Variants in RMDN2 observed in about 807,000 individuals in gnomAD.
The protein encoded by RMDN2 is regulator of microtubule dynamics protein 2.
A neutral mutation model predicts 52.8 loss-of-function variants in RMDN2; 61 were observed. The observed-to-expected ratio is 1.16, with a 90% confidence interval of 0.94 to 1.43. RMDN2 has a LOEUF of 1.43. Ranked by LOEUF, RMDN2 falls within the 40% of genes most tolerant of loss-of-function variation. The pLI is 0.00. For synonymous variants in RMDN2, 180 were observed against 153.1 expected (o/e 1.18, Z -1.30); for missense variants, 592 against 475.3 (o/e 1.25, Z -2.28).
At chr2:37,950,680 C>A in intron 2 of RMDN2, 1 of 1,305,412 alleles carries the variant, frequency 7.7e-7, no homozygotes, top group South Asian at 1.2e-5. Context: ...TCCTTTGTTT[C>A]CCATAATAAC....
intron 4 of RMDN2, among the ~76,000 whole-genome samples, chr2:37,979,677 G>T (rs1432503071): frequency 1.3e-5 from 2 of 152,104 alleles, no homozygotes; most frequent in African/African-American, 2.4e-5. Context: ...ACAAAATACA[G>T]TTCTCTAAAG....
At chr2:37,953,308 T>C (rs1320778927) in intron 2 of RMDN2, among the ~76,000 whole-genome samples, 3 of 151,984 alleles carry the variant, frequency 2.0e-5, no homozygotes, top group Non-Finnish European at 4.4e-5. Context: ...CTTTTCATCT[T>C]GCAAAACTGA....
chr2:37,975,483 C>A (rs1200448264), intron 4 of RMDN2, among the ~76,000 whole-genome samples, 169 bp downstream of exon 4: 1 of 152,124 alleles, frequency 6.6e-6, no homozygotes, highest in East Asian at 1.9e-4. Flanking sequence ...TGCATGTTCT[C>A]ACTCATAAGT....
intron 8 of RMDN2, among the ~76,000 whole-genome samples, chr2:38,001,777 A>T (rs947453962): frequency 4.6e-5 from 7 of 152,186 alleles, no homozygotes; most frequent in African/African-American, 1.7e-4. Flanking sequence ...AAACTAGAAG[A>T]CTTGAAATGG....
chr2:37,967,122 A>G (rs1250944979), intron 2 of RMDN2, among the ~76,000 whole-genome samples: 1 of 152,214 alleles, frequency 6.6e-6, no homozygotes, highest in Non-Finnish European at 1.5e-5. Context: ...CTTCCACATC[A>G]ATTTGCAAGA....
intron 10 of RMDN2, among the ~76,000 whole-genome samples, chr2:38,065,165 T>A (rs1165422624): frequency 6.6e-6 from 1 of 152,144 alleles, no homozygotes; most frequent in African/African-American, 2.4e-5. Flanking sequence ...GCAGCAGCTA[T>A]AAGCTATGGA....
intron 4 of RMDN2, among the ~76,000 whole-genome samples, chr2:37,978,428 A>T (rs1036486086): frequency 2.0e-4 from 31 of 152,152 alleles, no homozygotes; most frequent in African/African-American, 7.5e-4. Flanking sequence ...AGCAAAATAG[A>T]CATGTTTTCA....
At chr2:37,970,056 C>A (rs1671590423) in intron 2 of RMDN2, among the ~76,000 whole-genome samples, 1 of 152,140 alleles carries the variant, frequency 6.6e-6, no homozygotes, top group Non-Finnish European at 1.5e-5. Context: ...CCTCACCCTC[C>A]TGAGTAGTTG....
chr2:38,003,209 T>C (rs1676545552), intron 8 of RMDN2, among the ~76,000 whole-genome samples: 1 of 152,168 alleles, frequency 6.6e-6, no homozygotes, highest in African/African-American at 2.4e-5. Flanking sequence ...ATTAATCTAG[T>C]GGAAGATGCT....
intron 10 of RMDN2, among the ~76,000 whole-genome samples, chr2:38,016,019 A>G (rs1184019740): frequency 6.6e-6 from 1 of 152,244 alleles, no homozygotes; most frequent in Non-Finnish European, 1.5e-5. Context: ...TATAGCCAAT[A>G]TATTAAGTGC....
At chr2:37,960,331 T>C (rs1228783875) in intron 2 of RMDN2, among the ~76,000 whole-genome samples, 4 of 122,242 alleles carry the variant, frequency 3.3e-5, no homozygotes, top group African/African-American at 1.5e-4. Flanking sequence ...TGCTCCTGTA[T>C]TGGGTGTATA....
At chr2:38,013,751 A>T (rs944624124) in intron 10 of RMDN2, among the ~76,000 whole-genome samples, 7 of 152,352 alleles carry the variant, frequency 4.6e-5, no homozygotes, top group African/African-American at 1.7e-4. Flanking sequence ...GAAATGCTAC[A>T]GCTCAGGGTA....
chr2:37,973,179 T>G (rs1254938279), intron 2 of RMDN2, among the ~76,000 whole-genome samples: 1 of 152,240 alleles, frequency 6.6e-6, no homozygotes, highest in Non-Finnish European at 1.5e-5. Context: ...TATATATCCT[T>G]GTATACCTCC....
chr2:38,023,009 G>A (rs1679509989), intron 10 of RMDN2, among the ~76,000 whole-genome samples: 1 of 152,210 alleles, frequency 6.6e-6, no homozygotes, highest in South Asian at 2.1e-4. Context: ...GGAGTCCAGT[G>A]TGTCTGATGT....
chr2:37,967,063 C>G (rs1372371283), intron 2 of RMDN2, among the ~76,000 whole-genome samples: 1 of 151,932 alleles, frequency 6.6e-6, no homozygotes, highest in African/African-American at 2.4e-5. Context: ...ATGGAGAGCT[C>G]ATTTTAAGAA....
chr2:38,016,895 T>G (rs1251217120), intron 10 of RMDN2, among the ~76,000 whole-genome samples: 1 of 151,794 alleles, frequency 6.6e-6, no homozygotes, highest in African/African-American at 2.4e-5. Flanking sequence ...TGATAAACCC[T>G]TTACTCATAG....
chr2:37,949,611 T>C (rs1668537358), intron 2 of RMDN2, among the ~76,000 whole-genome samples: 1 of 152,164 alleles, frequency 6.6e-6, no homozygotes, highest in South Asian at 2.1e-4. Context: ...AAATTACAAA[T>C]CCGACCATTG....
At chr2:38,034,392 C>T (rs368122081) in intron 10 of RMDN2, among the ~76,000 whole-genome samples, 1 of 152,142 alleles carries the variant, frequency 6.6e-6, no homozygotes, top group African/African-American at 2.4e-5. Flanking sequence ...TTTATTGGAA[C>T]TGTCTGGCAT....
intron 2 of RMDN2, among the ~76,000 whole-genome samples, chr2:37,945,332 GA>G: frequency 6.6e-6 from 1 of 152,300 alleles, no homozygotes; most frequent in East Asian, 1.9e-4. Flanking sequence ...TACTCTTGTA[GA>G]TGAGTACAGT....
Sources: gnomAD v4.1 joint callset for allele counts (sites outside exome capture counted in the v4.1 genomes callset) on GRCh38, gnomAD v4.1.1 for gene constraint, MANE v1.5 for transcripts, NCBI Gene and HGNC (gene_info 2026-07-23, HGNC 2026-07-21) for gene names.